The following UPK3B variants were observed in gnomAD, a reference collection of about 807,000 sequenced individuals.
The protein encoded by UPK3B is uroplakin-3b.
Under a neutral mutation model 27.6 loss-of-function variants are expected in UPK3B, and 21 were observed. The ratio of observed to expected loss-of-function variants is 0.76; its 90% confidence interval spans 0.54 to 1.10. The LOEUF (loss-of-function observed/expected upper bound fraction) is 1.10, where lower values mean the gene tolerates loss of function less well. UPK3B is among the 50% of genes least tolerant of loss of function. The pLI, the probability that UPK3B is intolerant of heterozygous loss-of-function variation, is 0.00. For missense variants in UPK3B, 306 were observed against 376.1 expected, an observed-to-expected ratio of 0.81 and a Z score of 1.54; for synonymous variants, 141 against 162.3, an observed-to-expected ratio of 0.87 and a Z score of 1.00.
chr7:76,514,001 T>TCGTC lies in UPK3B; in HGVS notation c.597_600dup (p.Ile201ArgfsTer94). On this transcript the variant is annotated frameshift_variant, in exon 5 of 6. Coordinates refer to ENST00000334348, the MANE Select transcript of UPK3B (RefSeq NM_001347684.2). LOFTEE classifies it high-confidence loss of function. Reference sequence around the variant, plus strand: ...CCAGGGCGGCGAAGTGGCAGCATGATCGTCATTACCTCCATCCTCTCTTCT... The same window carrying TCGTC: ...CCAGGGCGGCGAAGTGGCAGCATGATCGTCCGTCATTACCTCCATCCTCTCTTCT... 6.2e-7 allele frequency: 1 copy of TCGTC among 1,613,774 alleles called. No homozygotes were observed. Among genetic ancestry groups the TCGTC allele is most frequent in the Non-Finnish European group, 8.5e-7 (1 of 1,179,918 alleles).
At chr7:76,512,869 C>CG (rs779366494) in intron 3 of UPK3B, among the ~76,000 whole-genome samples, 340 of 152,120 alleles carry the variant, frequency 2.2e-3, no homozygotes, top group Non-Finnish European at 4.1e-3. Context: ...AGCAATTGCT[C>CG]GGGGGGATGA....
In UPK3B at chr7:76,510,647, G is replaced by C; in HGVS notation, c.-6G>C. 1 of 1,454,852 alleles carries C rather than the reference G, an allele frequency of 6.9e-7. No individual in the cohort carries two copies. The highest frequency in any genetic ancestry group is 9.1e-7 in the Non-Finnish European group (1 of 1,097,070). 90.1% of individuals were successfully genotyped at this position (1,454,852 alleles called of 1,614,324 possible). On this transcript the variant is annotated 5_prime_UTR_variant, in exon 1 of 6. Transcript: ENST00000334348. ...CCCCTGAGCCTCCCGGGTGCTGGCA[G>C]CTGTCATGGGGCTACCCTGGGGGCA...
In UPK3B at chr7:76,511,675, A is replaced by C; in HGVS notation, c.254A>C (p.Asn85Thr). The change falls in exon 3 of 6, where the codon AAC becomes ACC. Residue 85 changes from asparagine (N) to threonine (T), a missense_variant. Transcript: ENST00000334348. ...AFSNASRGFQ[N>T]PETLADIPAS... ...CCTGCAGCCTCCAGGGGCTTCCAGA[A>C]CCCGGAGACACTGGCTGACATTCCG... The C allele has an allele frequency of 6.3e-7, 1 of 1,597,892 alleles. No individual in the cohort carries two copies. Among genetic ancestry groups the C allele is most frequent in the Non-Finnish European group, 8.5e-7 (1 of 1,172,668 alleles).
Position 76,516,375 on chromosome 7 carries a change from C to T in UPK3B, c.*1171C>T. ...TTGCCCGCTGCACTCTGTCCACGGC[C>T]GCTGCACACGCCCCCTTGGGCTGCG... On this transcript the variant is annotated 3_prime_UTR_variant, in exon 6 of 6. Coordinates refer to ENST00000334348, the MANE Select transcript of UPK3B (RefSeq NM_001347684.2). 16 of 612,416 alleles carry T rather than the reference C, an allele frequency of 2.6e-5. 5 individuals are homozygous for T. The highest frequency in any genetic ancestry group is 3.5e-4 in the East Asian group (2 of 5,790). The allele number at this position is 612,416 out of a possible 1,614,324, so 37.9% of individuals were successfully genotyped here.
chr7:76,513,308 CA>C, intron 4 of UPK3B, 145 bp downstream of exon 4: 3 of 769,524 alleles, frequency 3.9e-6, no homozygotes, highest in Non-Finnish European at 6.3e-6. Flanking sequence ...AACAGAACCT[CA>C]TGCTGGGGGA....
Position 76,515,363 on chromosome 7 carries a change from C to A in UPK3B, c.*159C>A, listed in dbSNP as rs1025750298. On this transcript the variant is annotated 3_prime_UTR_variant, in exon 6 of 6. Transcript: ENST00000334348. ...TGCCTGGAATCCCAGCACCAGCCCCCCTGCCTCTCCTCTGCCTTTCTGGTT... is the reference window on the plus strand; with the variant it reads ...TGCCTGGAATCCCAGCACCAGCCCCACTGCCTCTCCTCTGCCTTTCTGGTT... The A allele has an allele frequency of 1.0e-5, 15 of 1,496,854 alleles. No individual in the cohort carries two copies. Among genetic ancestry groups the A allele is most frequent in the Admixed American group, 4.2e-5 (2 of 47,364 alleles). 92.7% of individuals were successfully genotyped at this position (1,496,854 alleles called of 1,614,324 possible). A position where few individuals can be genotyped will look rare whatever the true frequency, so the allele number is the denominator to read the frequency against.
intron 5 of UPK3B, 23 bp downstream of exon 5, chr7:76,514,099 G>T (rs1252948650): frequency 1.2e-6 from 2 of 1,613,892 alleles, no homozygotes; most frequent in Admixed American, 3.3e-5. Flanking sequence ...ACCCCCTCGG[G>T]CCCCTCTCCC....
rs190021602 is a variant in UPK3B, at chr7:76,514,000, A to T, written c.595A>T (p.Ile199Phe). 36 of 1,613,734 alleles carry T rather than the reference A, an allele frequency of 2.2e-5. 1 individual carries two copies. The highest frequency in any genetic ancestry group is 2.9e-5 in the Non-Finnish European group (34 of 1,179,894). The stretch of plus-strand genomic sequence containing the variant: ...GCCAGGGCGGCGAAGTGGCAGCATG[A>T]TCGTCATTACCTCCATCCTCTCTTC... ...TWPGRRSGSM[I>F]VITSILSSLA... Residue 199 changes from isoleucine (I) to phenylalanine (F), a missense_variant, in exon 5 of 6, where the codon ATC becomes TTC. This residue lies in a region of UPK3B where 174 missense variants were observed against 166.6 expected (regional missense o/e 1.04). Coordinates refer to ENST00000334348, the MANE Select transcript of UPK3B (RefSeq NM_001347684.2).
chr7:76,510,751 C>T lies in UPK3B; in HGVS notation c.85+14C>T, dbSNP rs750533598. ...GCCTGAGCCTGGGTGAGTGGGGGTC[C>T]TGGATGGACGCGTCCAGCCAGACCC... On this transcript the variant is annotated intron_variant, in intron 1 of 5. Transcript: ENST00000334348. 6.5e-7 allele frequency: 1 copy of T among 1,541,576 alleles called. No homozygotes were observed. The highest frequency in any genetic ancestry group is 2.3e-5 in the East Asian group (1 of 44,058).
chr7:76,514,001 T>G lies in UPK3B; in HGVS notation c.596T>G (p.Ile199Ser). Residue 199 changes from isoleucine to serine, a missense_variant, in exon 5 of 6, where the codon ATC (isoleucine) becomes AGC (serine). Around this residue, in one of 4 missense-constraint regions of UPK3B, gnomAD observed 174 missense variants for 166.6 expected, o/e 1.04. Transcript: ENST00000334348. ...TWPGRRSGSM[I>S]VITSILSSLA... ...CCAGGGCGGCGAAGTGGCAGCATGA[T>G]CGTCATTACCTCCATCCTCTCTTCT... is the stretch of plus-strand genomic sequence containing the variant. The G allele has an allele frequency of 6.2e-7, 1 of 1,613,774 alleles. No individual in the cohort carries two copies. Among genetic ancestry groups the G allele is most frequent in the Non-Finnish European group, 8.5e-7 (1 of 1,179,918 alleles).
rs111723471 is a variant in UPK3B at position 76,511,783 on chromosome 7, C to T, written c.362C>T (p.Ala121Val). ...CAGCTGCCCTGTGGCGACCCCATGG[C>T]GGGCAGCGGAGGCGCCCCCGTGCTG... ...PDQLPCGDPM[A>V]GSGGAPVLRV... Residue 121 changes from alanine (A) to valine (V), a missense_variant, in exon 3 of 6, where the codon GCG (alanine) becomes GTG (valine). This residue lies in a region of UPK3B where 78 missense variants were observed against 120.2 expected (regional missense o/e 0.65). Coordinates refer to ENST00000334348, the MANE Select transcript of UPK3B (RefSeq NM_001347684.2). 5 of 1,591,026 alleles carry T rather than the reference C, an allele frequency of 3.1e-6. No homozygotes were observed. Among genetic ancestry groups the T allele is most frequent in the Admixed American group, 1.7e-5 (1 of 57,200 alleles).
Position 76,515,157 on chromosome 7 carries a change from G to C in UPK3B, c.784G>C (p.Val262Leu). The change falls in exon 6 of 6, where the codon GTG (valine) becomes CTG (leucine). Residue 262 changes from valine to leucine, a missense_variant. Around this residue, in one of 4 missense-constraint regions of UPK3B, gnomAD observed 174 missense variants for 166.6 expected, o/e 1.04. Transcript: ENST00000334348. ...ACCCAGAGAGGCCGCCACACTGCCG[G>C]TGGGCTGCAAGCCTGGCCTGGACCC... The part of the protein sequence containing the change: ...IPPREAATLP[V>L]GCKPGLDPLP... The C allele has an allele frequency of 6.3e-7, 1 of 1,598,112 alleles. No individual in the cohort carries two copies. Among genetic ancestry groups the C allele is most frequent in the Non-Finnish European group, 8.5e-7 (1 of 1,173,068 alleles).
Position 76,513,958 on chromosome 7 carries a change from G to A in UPK3B, c.553G>A (p.Gly185Arg), listed in dbSNP as rs754270720. The change falls in exon 5 of 6, where the codon GGA becomes AGA. Residue 185 changes from glycine to arginine, a missense_variant. Gly to Arg is a moderately radical substitution (Grantham distance 125). Transcript: ENST00000334348. ...TGGTGTGTGTGCAGGGAAGACCCCC[G>A]GATCCATCGACACCTGGCCAGGGCG... ...PITLHQGKTP[G>R]SIDTWPGRRS... The A allele has an allele frequency of 1.2e-5, 19 of 1,613,746 alleles. No homozygotes were observed. Among genetic ancestry groups the A allele is most frequent in the South Asian group, 2.2e-5 (2 of 91,088 alleles).
Position 76,515,143 on chromosome 7 carries a change from C to T in UPK3B, c.770C>T (p.Ala257Val). The T allele has an allele frequency of 6.3e-7, 1 of 1,598,642 alleles. No homozygotes were observed. Among genetic ancestry groups the T allele is most frequent in the Non-Finnish European group, 8.5e-7 (1 of 1,173,526 alleles). ...ACCCACCACATCCCACCCAGAGAGG[C>T]CGCCACACTGCCGGTGGGCTGCAAG... The part of the protein sequence containing the change: ...YMTHHIPPRE[A>V]ATLPVGCKPG... Residue 257 changes from alanine (A) to valine (V), a missense_variant, in exon 6 of 6, where the codon GCC becomes GTC. Physicochemically the swap from Ala to Val is moderately conservative, Grantham distance 64. Coordinates refer to ENST00000334348, the MANE Select transcript of UPK3B (RefSeq NM_001347684.2).
Position 76,515,804 on chromosome 7 carries a change from C to G in UPK3B, c.*600C>G. 3 of 612,222 alleles carry G rather than the reference C, an allele frequency of 4.9e-6. 1 individual carries two copies. Among genetic ancestry groups the G allele is most frequent in the Non-Finnish European group, 5.7e-6 (3 of 530,458 alleles). The allele number at this position is 612,222 out of a possible 1,614,324, so 37.9% of individuals were successfully genotyped here. ...CCAACCCTCTTGTGCATATGGATGG[C>G]TCTAGCCCTTATCCACCCCCTCAAG... On this transcript the variant is annotated 3_prime_UTR_variant, in exon 6 of 6. Transcript: ENST00000334348.
At chr7:76,512,401 C>A (rs1445397879) in intron 3 of UPK3B, among the ~76,000 whole-genome samples, 2 of 149,354 alleles carry the variant, frequency 1.3e-5, no homozygotes, top group Non-Finnish European at 3.0e-5. Context: ...GAAGACCAGG[C>A]CCAGGGGAAG....
chr7:76,511,102 G>T lies in UPK3B; in HGVS notation c.235+50G>T, dbSNP rs372030738. The stretch of plus-strand genomic sequence containing the variant: ...GGTGAGGGTGACGGCTGAGGAGAGT[G>T]GTGGGCCCTAGGAGCCCCTCACCAG... On this transcript the variant is annotated intron_variant, in intron 2 of 5. Transcript: ENST00000334348. 2,079 of 1,510,430 alleles carry T rather than the reference G, an allele frequency of 1.4e-3. 11 individuals are homozygous for T. The highest frequency in any genetic ancestry group is 1.7e-3 in the Non-Finnish European group (1,909 of 1,123,380). 93.6% of individuals were successfully genotyped at this position (1,510,430 alleles called of 1,614,324 possible).
intron 2 of UPK3B, 105 bp from the exon 3 acceptor site, chr7:76,511,552 G>A: frequency 2.4e-6 from 3 of 1,237,642 alleles, no homozygotes; most frequent in Admixed American, 2.3e-5. Flanking sequence ...GGGAGGAGGT[G>A]GCATGGGGGG....
At chr7:76,513,002 A>T (rs983144038) in intron 3 of UPK3B, 82 bp from the exon 4 acceptor site, 1 of 1,167,016 alleles carries the variant, frequency 8.6e-7, no homozygotes, top group South Asian at 1.4e-5. Context: ...GCCCCAGAGG[A>T]GCTGCCTGGG....
Sources: gnomAD v4.1 joint callset for allele counts (sites outside exome capture counted in the v4.1 genomes callset) on GRCh38, gnomAD v4.1.1 for gene constraint, gnomAD v4.1.1 regional missense constraint, MANE v1.5 for transcripts, NCBI Gene and HGNC (gene_info 2026-07-23, HGNC 2026-07-21) for gene names.